COL28A1: variants seen among roughly 807,000 people sequenced by gnomAD.
COL28A1 encodes collagen type XXVIII alpha 1 chain, also known as collagen alpha-1(XXVIII) chain.
In COL28A1, 161 loss-of-function variants were observed where a neutral mutation model predicts 150.2. That is an observed-to-expected ratio of 1.07 (90% CI 0.94 to 1.22). The LOEUF (loss-of-function observed/expected upper bound fraction) is 1.22. COL28A1 is among the 50% of genes most tolerant of loss of function. The pLI is 0.00. For synonymous variants in COL28A1, 552 were observed against 469.7 expected (o/e 1.18, Z -2.26); for missense variants, 1,617 against 1,388.3 (o/e 1.16, Z -2.62).
At chr7:7,399,624 G>T (rs1477383770) in intron 27 of COL28A1, among the ~76,000 whole-genome samples, 1 of 149,948 alleles carries the variant, frequency 6.7e-6, no homozygotes, top group Non-Finnish European at 1.5e-5. Context: ...ACAAATTTTT[G>T]GAGTTCAATA....
At chr7:7,380,606 G>C in intron 30 of COL28A1, 54 bp downstream of exon 30, 5 of 1,478,250 alleles carry the variant, frequency 3.4e-6, no homozygotes, top group Non-Finnish European at 4.7e-6. Context: ...AAGCATGAAT[G>C]CAACAATTTT....
Position 7,453,485 on chromosome 7 carries a change from TGGACCAATA to T in COL28A1, c.1386_1394del (p.Ile463_Pro465del). The T allele has an allele frequency of 8.1e-7, 1 of 1,241,544 alleles. No homozygotes were observed. The highest frequency in any genetic ancestry group is 1.2e-6 in the Non-Finnish European group (1 of 844,556). 76.9% of individuals were successfully genotyped at this position (1,241,544 alleles called of 1,614,324 possible). ...GTCCTGCGGGCCCTTGTGGACCAGGTGGACCAATAGGACCTTGGATTCCCTTTAAAATAA... is the reference window on the plus strand; with the variant it reads ...GTCCTGCGGGCCCTTGTGGACCAGGTGGACCTTGGATTCCCTTTAAAATAA... On this transcript the variant is annotated inframe_deletion, in exon 17 of 35. Coordinates refer to ENST00000399429, the MANE Select transcript of COL28A1 (RefSeq NM_001037763.3).
At chr7:7,536,693 G>A (rs1017342321), upstream of COL28A1, among the ~76,000 whole-genome samples, 3 of 152,140 alleles carry the variant, frequency 2.0e-5, no homozygotes, top group African/African-American at 4.8e-5. Context: ...AAGATCATCC[G>A]AGAAAGCAAT....
rs148041467 is a variant in COL28A1 at position 7,425,358 on chromosome 7, G to C, written c.1999-5405C>G. Among the ~76,000 whole-genome samples the C allele has an allele frequency of 1.8e-3, 267 of 152,140 alleles. 6 individuals are homozygous for C. Among genetic ancestry groups the C allele is most frequent in the African/African-American group, 5.9e-3 (246 of 41,500 alleles). ...AGCTGTCATTTAATGCAAAGACCTC[G>C]GCTGTTTGGCTGTGAAACTGTAAAA... is the stretch of plus-strand genomic sequence containing the variant. On this transcript the variant is annotated intron_variant, in intron 25 of 34. Transcript: ENST00000399429.
intron 23 of COL28A1, among the ~76,000 whole-genome samples, chr7:7,435,405 G>T (rs902818232): frequency 6.6e-6 from 1 of 152,124 alleles, no homozygotes; most frequent in Non-Finnish European, 1.5e-5. Context: ...GGTTACCTTG[G>T]GATCTGTGGG....
At chr7:7,541,754 A>C in the COL28A1 span, among the ~76,000 whole-genome samples, 15 of 152,288 alleles carry the variant, frequency 9.8e-5, no homozygotes, top group African/African-American at 3.6e-4. Flanking sequence ...AAGAGTGATA[A>C]AACTACTCTT....
intron 6 of COL28A1, among the ~76,000 whole-genome samples, chr7:7,519,232 T>C (rs368815934): frequency 1.1e-4 from 16 of 152,118 alleles, no homozygotes; most frequent in South Asian, 6.2e-4. Context: ...GTAGGGGAAC[T>C]TCCCCTTATA....
At chr7:7,363,084 C>T (rs1780753695) in intron 33 of COL28A1, among the ~76,000 whole-genome samples, 3 of 151,886 alleles carry the variant, frequency 2.0e-5, no homozygotes, top group African/African-American at 7.3e-5. Flanking sequence ...TTTTTTTTGC[C>T]TGCATGTATT....
At chr7:7,463,961 G>T (rs1185935988) in intron 15 of COL28A1, among the ~76,000 whole-genome samples, 1 of 152,134 alleles carries the variant, frequency 6.6e-6, no homozygotes, top group Non-Finnish European at 1.5e-5. Context: ...TAAGCTGATG[G>T]AAAATGACAT....
chr7:7,501,828 T>G (rs553760056), intron 11 of COL28A1, among the ~76,000 whole-genome samples: 2 of 152,316 alleles, frequency 1.3e-5, no homozygotes, highest in Non-Finnish European at 2.9e-5. Context: ...CAGTTTGGTC[T>G]CAGGGATAAG....
Position 7,474,759 on chromosome 7 carries a change from A to G in COL28A1, c.1234-90T>C, listed in dbSNP as rs927396955. The G allele has an allele frequency of 9.3e-6, 7 of 751,846 alleles. No individual in the cohort carries two copies. In the Admixed American group the frequency reaches 1.6e-4, roughly 17 times the overall value. 46.6% of individuals were successfully genotyped at this position (751,846 alleles called of 1,614,324 possible). A position where few individuals can be genotyped will look rare whatever the true frequency, so the allele number is the denominator to read the frequency against. On this transcript the variant is annotated intron_variant, in intron 14 of 34. Transcript: ENST00000399429. ...TACAAATACTATGAATTGTGCTTCA[A>G]AATTATTTTTTAAATAAAGCATCCA...
chr7:7,349,707 G>A, the COL28A1 span, among the ~76,000 whole-genome samples: 2 of 152,046 alleles, frequency 1.3e-5, no homozygotes, highest in African/African-American at 4.8e-5. Flanking sequence ...GCCTCTCAGG[G>A]ATCACTGCTC....
At chr7:7,451,821 T>G (rs185711367) in intron 18 of COL28A1, among the ~76,000 whole-genome samples, 145 of 152,326 alleles carry the variant, frequency 9.5e-4, no homozygotes, top group African/African-American at 3.4e-3. Flanking sequence ...TAATCATGTT[T>G]ATGTATGTAA....
intron 6 of COL28A1, among the ~76,000 whole-genome samples, chr7:7,519,379 T>C (rs1781586988): frequency 6.6e-6 from 1 of 152,238 alleles, no homozygotes; most frequent in African/African-American, 2.4e-5. Context: ...CAATTCAAGA[T>C]GAGATTTGAG....
intron 19 of COL28A1, among the ~76,000 whole-genome samples, chr7:7,443,987 T>TTTG (rs1562668442): frequency 1.9e-5 from 1 of 52,640 alleles, no homozygotes; most frequent in Non-Finnish European, 3.5e-5. Context: ...CCATCTGCTG[T>TTTG]TTTTTTTTTT....
the COL28A1 span, among the ~76,000 whole-genome samples, chr7:7,341,784 TTAAC>T: frequency 6.6e-6 from 1 of 152,144 alleles, no homozygotes; most frequent in Non-Finnish European, 1.5e-5. Flanking sequence ...GATTTCTAGT[TTAAC>T]TACATTGTTG....
In COL28A1 at chr7:7,522,521, T is replaced by A. The variant is rs534938721; in HGVS notation, c.703-560A>T. Among the ~76,000 whole-genome samples, 7 of 152,270 alleles carry A rather than the reference T, an allele frequency of 4.6e-5. No homozygotes were observed. In the East Asian group the frequency reaches 9.6e-4, roughly 21 times the overall value. On this transcript the variant is annotated intron_variant, in intron 4 of 34. Transcript: ENST00000399429. ...GTCTTATAACAGCTGTTGACCAGGT[T>A]CAGTCATGACAAAGTAGTTGCTTTT...
At chr7:7,416,247 A>T (rs1784069636) in intron 27 of COL28A1, among the ~76,000 whole-genome samples, 1 of 152,174 alleles carries the variant, frequency 6.6e-6, no homozygotes, top group Admixed American at 6.5e-5. Context: ...CTGTGATGGG[A>T]GGCTTCAGGA....
intron 15 of COL28A1, among the ~76,000 whole-genome samples, chr7:7,460,918 C>A (rs1340127313): frequency 1.3e-5 from 2 of 152,058 alleles, no homozygotes; most frequent in Admixed American, 1.3e-4. Flanking sequence ...AGGACTAGAT[C>A]GCAGCTCCCA....
Sources: allele counts gnomAD v4.1 joint callset (sites outside exome capture counted in the v4.1 genomes callset), GRCh38; gene constraint gnomAD v4.1.1; transcripts MANE v1.5; gene names NCBI Gene and HGNC (gene_info 2026-07-23, HGNC 2026-07-21).